MAGI2: variants seen among roughly 807,000 people sequenced by gnomAD.
The protein encoded by MAGI2 is membrane associated guanylate kinase, WW and PDZ domain containing 2.
Under a neutral mutation model 133.3 loss-of-function variants are expected in MAGI2, and 35 were observed. The ratio of observed to expected loss-of-function variants is 0.26; its 90% CI spans 0.20 to 0.35. The LOEUF is 0.35. MAGI2 is among the 10% of genes least tolerant of loss of function. The probability of loss-of-function intolerance (pLI) is 1.00; values close to 1 mark genes in which losing one functional copy is unlikely to be tolerated. For synonymous variants in MAGI2, 729 were observed against 710.6 expected (o/e 1.03, Z -0.41); for missense variants, 1,636 against 1,863.4 (o/e 0.88, Z 2.25).
intron 6 of MAGI2, among the ~76,000 whole-genome samples, chr7:78,411,481 AAGTTTGAC>A (rs1797868635): frequency 6.6e-6 from 1 of 152,064 alleles, no homozygotes; most frequent in Non-Finnish European, 1.5e-5. Flanking sequence ...GTTATAGCTA[AAGTTTGAC>A]AGTAGGCTAA....
At chr7:79,142,071 T>C (rs1822192117) in intron 1 of MAGI2, among the ~76,000 whole-genome samples, 1 of 152,210 alleles carries the variant, frequency 6.6e-6, no homozygotes, top group Non-Finnish European at 1.5e-5. Context: ...ATAAATACTT[T>C]CCCATAATCA....
chr7:79,101,447 G>A (rs927521881), intron 1 of MAGI2, among the ~76,000 whole-genome samples: 2 of 152,014 alleles, frequency 1.3e-5, no homozygotes, highest in African/African-American at 2.4e-5. Flanking sequence ...AAATGGGGCC[G>A]GGCGCAGTGT....
intron 2 of MAGI2, among the ~76,000 whole-genome samples, chr7:78,654,864 G>T (rs1811999948): frequency 6.6e-6 from 1 of 151,190 alleles, no homozygotes; most frequent in South Asian, 2.1e-4. Flanking sequence ...CCTATACAGG[G>T]TTTCACATAA....
chr7:78,314,872 A>G (rs1787239381), intron 9 of MAGI2, among the ~76,000 whole-genome samples: 1 of 152,148 alleles, frequency 6.6e-6, no homozygotes, highest in African/African-American at 2.4e-5. Flanking sequence ...ATTGTATTCA[A>G]TTGATTGTGG....
intron 6 of MAGI2, among the ~76,000 whole-genome samples, chr7:78,400,563 A>AAACAAT (rs1223481331): frequency 6.6e-6 from 1 of 152,198 alleles, no homozygotes; most frequent in East Asian, 1.9e-4. Flanking sequence ...TAATAAAAGA[A>AAACAAT]AAAATGGTCT....
intron 2 of MAGI2, among the ~76,000 whole-genome samples, chr7:78,820,584 A>C (rs1790012889): frequency 6.6e-6 from 1 of 151,964 alleles, no homozygotes; most frequent in Non-Finnish European, 1.5e-5. Context: ...TTAAAAGAAA[A>C]TGTTAAAAAC....
intron 2 of MAGI2, among the ~76,000 whole-genome samples, chr7:78,955,769 C>CT (rs11436016): frequency 0.11 from 12,835 of 116,742 alleles, 1,078 homozygotes; most frequent in Middle Eastern, 0.15. Context: ...TTCTTTCTTT[C>CT]TTTCTTTCTT....
chr7:78,306,489 T>G (rs1047287876), intron 9 of MAGI2, among the ~76,000 whole-genome samples: 13 of 152,172 alleles, frequency 8.5e-5, no homozygotes, highest in Non-Finnish European at 1.5e-5. Context: ...TAAAATAAAG[T>G]GCTATCTAGA....
chr7:78,353,318 C>T (rs949824085), intron 7 of MAGI2, among the ~76,000 whole-genome samples: 1 of 152,150 alleles, frequency 6.6e-6, no homozygotes, highest in African/African-American at 2.4e-5. Flanking sequence ...TATATAATTC[C>T]ATTGATTCCT....
intron 3 of MAGI2, among the ~76,000 whole-genome samples, chr7:78,541,694 G>T (rs1798423642): frequency 6.6e-6 from 1 of 152,124 alleles, no homozygotes; most frequent in Non-Finnish European, 1.5e-5. Flanking sequence ...AGGAGCTCTG[G>T]GCATGGGTCA....
intron 9 of MAGI2, among the ~76,000 whole-genome samples, chr7:78,304,332 AGGAT>A (rs1798081988): frequency 6.6e-6 from 1 of 152,162 alleles, no homozygotes; most frequent in Non-Finnish European, 1.5e-5. Context: ...ACTCCAGCCA[AGGAT>A]GCTCCTACCT....
intron 2 of MAGI2, among the ~76,000 whole-genome samples, chr7:78,932,673 G>A (rs1478639494): frequency 1.3e-5 from 2 of 152,002 alleles, no homozygotes; most frequent in Non-Finnish European, 2.9e-5. Flanking sequence ...AACTATGAAT[G>A]TTTAATAGGA....
intron 6 of MAGI2, among the ~76,000 whole-genome samples, chr7:78,462,922 C>T (rs529413490): frequency 9.2e-5 from 14 of 152,246 alleles, no homozygotes; most frequent in East Asian, 7.7e-4. Context: ...ATTCAGCACA[C>T]GCAAGTGAAC....
rs545264298 is a variant in MAGI2, at chr7:79,181,338, C to T, written c.302-174132G>A. Among the ~76,000 whole-genome samples, 7 of 152,054 alleles carry T rather than the reference C, an allele frequency of 4.6e-5. No homozygotes were observed. The South Asian group carries it at 1.4e-3, about 31-fold the overall frequency. ...GAAATCTAGGTGAAGGTTCCCAAAC[C>T]TCAGTTCTTGACTTCTGTGCACCCA... On this transcript the variant is annotated intron_variant, in intron 1 of 21. Coordinates refer to ENST00000354212, the MANE Select transcript of MAGI2 (RefSeq NM_012301.4).
At chr7:78,766,571 A>T (rs1825048030) in intron 2 of MAGI2, among the ~76,000 whole-genome samples, 1 of 152,190 alleles carries the variant, frequency 6.6e-6, no homozygotes, top group Non-Finnish European at 1.5e-5. Context: ...ACTTGACAGT[A>T]CACAGTATTG....
intron 1 of MAGI2, among the ~76,000 whole-genome samples, chr7:79,407,511 G>T (rs10272027): frequency 6.6e-6 from 1 of 151,890 alleles, no homozygotes; most frequent in Non-Finnish European, 1.5e-5. Flanking sequence ...GAACTTGTTC[G>T]TTCTAACTGG....
At chr7:78,576,622 A>G (rs1802295589) in intron 3 of MAGI2, among the ~76,000 whole-genome samples, 1 of 152,194 alleles carries the variant, frequency 6.6e-6, no homozygotes, top group African/African-American at 2.4e-5. Context: ...CATAGACACC[A>G]AGGAAAATCT....
intron 6 of MAGI2, among the ~76,000 whole-genome samples, chr7:78,433,599 G>C (rs867540765): frequency 6.6e-6 from 1 of 152,060 alleles, no homozygotes; most frequent in Non-Finnish European, 1.5e-5. Flanking sequence ...GTTTGTCTGA[G>C]TGACAGCATC....
At chr7:79,277,849 T>G (rs1466852734) in intron 1 of MAGI2, among the ~76,000 whole-genome samples, 2 of 152,190 alleles carry the variant, frequency 1.3e-5, no homozygotes, top group African/African-American at 4.8e-5. Flanking sequence ...AGTCATCTCT[T>G]TGAAACGTAA....
Sources: allele counts gnomAD v4.1 joint callset (sites outside exome capture counted in the v4.1 genomes callset), GRCh38; gene constraint gnomAD v4.1.1; transcripts MANE v1.5; gene names NCBI Gene and HGNC (gene_info 2026-07-23, HGNC 2026-07-21).